CIMIP3: variants seen among roughly 807,000 people sequenced by gnomAD.
CIMIP3 encodes the protein GUCA1A neighbor.
the CIMIP3 span, chr6:42,162,949 T>C: frequency 2.6e-5 from 18 of 687,930 alleles, no homozygotes; most frequent in Admixed American, 2.9e-4. Flanking sequence ...TACCCAGTCA[T>C]GGGCCAAAGA....
the CIMIP3 span, among the ~76,000 whole-genome samples, chr6:42,160,948 G>A: frequency 0.64 from 97,458 of 151,550 alleles, 31,386 homozygotes; most frequent in South Asian, 0.68. Context: ...CAGCACTTTG[G>A]GAGGCTGAGG....
the CIMIP3 span, among the ~76,000 whole-genome samples, chr6:42,162,151 C>T: frequency 7.9e-4 from 110 of 139,752 alleles, no homozygotes; most frequent in Non-Finnish European, 1.0e-3. Flanking sequence ...CAGTGGCTCA[C>T]GCCTGTTATC....
chr6:42,155,435 C>T, the CIMIP3 span: 1 of 667,278 alleles, frequency 1.5e-6, no homozygotes, highest in Non-Finnish European at 2.8e-6. Context: ...TCCCTGACCA[C>T]CAGAAGTTCC....
the CIMIP3 span, among the ~76,000 whole-genome samples, chr6:42,162,372 G>A: frequency 5.3e-5 from 8 of 151,112 alleles, no homozygotes; most frequent in Non-Finnish European, 1.2e-4. Context: ...CCGAGATCGT[G>A]CCATTGTACT....
the CIMIP3 span, among the ~76,000 whole-genome samples, chr6:42,161,505 C>T: frequency 3.3e-5 from 5 of 152,088 alleles, no homozygotes; most frequent in East Asian, 3.9e-4. Context: ...GTACCTGAAA[C>T]GTGGTGTGGG....
chr6:42,157,077 A>C, the CIMIP3 span, among the ~76,000 whole-genome samples: 1 of 152,158 alleles, frequency 6.6e-6, no homozygotes, highest in Non-Finnish European at 1.5e-5. Context: ...TTCTTGCCCT[A>C]CTCAGAAAGC....
chr6:42,163,351 G>A, the CIMIP3 span: 29 of 427,632 alleles, frequency 6.8e-5, no homozygotes, highest in South Asian at 3.7e-4. Context: ...ACCTATATTC[G>A]GGCTAAGACA....
the CIMIP3 span, chr6:42,162,898 C>T: frequency 1.6e-6 from 1 of 612,880 alleles, no homozygotes; most frequent in Admixed American, 2.7e-5. Flanking sequence ...CCTCAGCTCT[C>T]CCCTTCTTTC....
At chr6:42,159,995 G>GT in the CIMIP3 span, among the ~76,000 whole-genome samples, 2 of 151,978 alleles carry the variant, frequency 1.3e-5, no homozygotes, top group Admixed American at 1.3e-4. Flanking sequence ...AGAATCTTTT[G>GT]TTTTTTTTGA....
the CIMIP3 span, among the ~76,000 whole-genome samples, chr6:42,161,049 G>A: frequency 2.0e-5 from 3 of 152,158 alleles, no homozygotes; most frequent in African/African-American, 7.2e-5. Flanking sequence ...TTAGCCTGGT[G>A]TGGTGGCGCA....
the CIMIP3 span, among the ~76,000 whole-genome samples, chr6:42,157,786 G>A: frequency 6.6e-6 from 1 of 152,116 alleles, no homozygotes; most frequent in African/African-American, 2.4e-5. Context: ...GGGAGGGGCT[G>A]GTGAGAATCT....
chr6:42,159,043 C>A, the CIMIP3 span, among the ~76,000 whole-genome samples: 1 of 152,196 alleles, frequency 6.6e-6, no homozygotes, highest in Non-Finnish European at 1.5e-5. Context: ...CACAAAGAAA[C>A]CTAAGCCGCT....
chr6:42,162,724 G>C, the CIMIP3 span, among the ~76,000 whole-genome samples: 2 of 152,170 alleles, frequency 1.3e-5, no homozygotes, highest in Non-Finnish European at 2.9e-5. Context: ...TGCAGCAGCA[G>C]GGGGCCAGGT....
chr6:42,158,103 A>G, the CIMIP3 span, among the ~76,000 whole-genome samples: 1 of 152,196 alleles, frequency 6.6e-6, no homozygotes, highest in Non-Finnish European at 1.5e-5. Context: ...CCAATGATCT[A>G]AAGTCACATA....
chr6:42,161,340 G>C, the CIMIP3 span, among the ~76,000 whole-genome samples: 2 of 152,148 alleles, frequency 1.3e-5, no homozygotes, highest in Non-Finnish European at 2.9e-5. Context: ...CTGTGAGGCT[G>C]GGGGAGAGGA....
the CIMIP3 span, chr6:42,163,231 G>T: frequency 1.7e-6 from 1 of 591,854 alleles, no homozygotes; most frequent in Non-Finnish European, 3.1e-6. Flanking sequence ...CTGCCAACTT[G>T]GTCTTGTGGC....
chr6:42,155,529 C>T, the CIMIP3 span: 1 of 717,332 alleles, frequency 1.4e-6, no homozygotes. Context: ...CTCGGGGTCA[C>T]AAGAAGCCTG....
chr6:42,159,171 C>T, the CIMIP3 span, among the ~76,000 whole-genome samples: 7 of 152,176 alleles, frequency 4.6e-5, no homozygotes, highest in East Asian at 1.9e-4. Context: ...GGACATTGGG[C>T]GATGACTGGA....
the CIMIP3 span, among the ~76,000 whole-genome samples, chr6:42,157,945 GC>G: frequency 6.6e-6 from 1 of 152,148 alleles, no homozygotes; most frequent in Non-Finnish European, 1.5e-5. Context: ...TGTTGCGGGG[GC>G]TGTCCATTGT....
Sources: gnomAD v4.1 joint callset for allele counts (sites outside exome capture counted in the v4.1 genomes callset) on GRCh38, gnomAD v4.1.1 for gene constraint, MANE v1.5 for transcripts, NCBI Gene and HGNC (gene_info 2026-07-23, HGNC 2026-07-21) for gene names.